Variants in SETD2 observed in about 807,000 individuals in gnomAD.
The protein encoded by SETD2 is histone-lysine N-methyltransferase SETD2.
Under a neutral mutation model 242.1 loss-of-function variants are expected in SETD2, and 31 were observed. The ratio of observed to expected loss-of-function variants is 0.13; its 90% CI spans 0.10 to 0.17. SETD2 has a LOEUF of 0.17. Among genes scored for constraint, SETD2 ranks in the 10% least tolerant of loss-of-function variants. The probability of loss-of-function intolerance (pLI) is 1.00; values close to 1 mark genes in which losing one functional copy is unlikely to be tolerated. For synonymous variants in SETD2, 1,006 were observed against 1,066.5 expected (o/e 0.94, Z 1.11); for missense variants, 2,481 against 3,046.3 (o/e 0.81, Z 4.37).
intron 15 of SETD2, among the ~76,000 whole-genome samples, chr3:47,048,375 C>A (rs145886959): frequency 1.3e-5 from 2 of 151,946 alleles, no homozygotes; most frequent in African/African-American, 4.8e-5. Flanking sequence ...GGCAACAGAG[C>A]GAGATGCCGT....
intron 1 of SETD2, among the ~76,000 whole-genome samples, chr3:47,147,377 C>G (rs779886829): frequency 9.0e-5 from 13 of 144,810 alleles, no homozygotes; most frequent in Non-Finnish European, 1.8e-4. Flanking sequence ...GGATGGAGTG[C>G]AGTGACGTGA....
intron 18 of SETD2, among the ~76,000 whole-genome samples, chr3:47,025,568 G>A (rs1343329758): frequency 6.6e-6 from 1 of 152,064 alleles, no homozygotes; most frequent in African/African-American, 2.4e-5. Context: ...CCATATCTTT[G>A]TCTTGCTAAC....
intron 12 of SETD2, among the ~76,000 whole-genome samples, chr3:47,071,563 A>C (rs1052956064): frequency 6.6e-6 from 1 of 152,190 alleles, no homozygotes; most frequent in African/African-American, 2.4e-5. Flanking sequence ...CAGAGTGATA[A>C]ATATACATTT....
At chr3:47,022,193 T>TCTCACA (rs770101300) in intron 18 of SETD2, among the ~76,000 whole-genome samples, 1 of 130,948 alleles carries the variant, frequency 7.6e-6, no homozygotes, top group East Asian at 2.4e-4. Context: ...CAACAATCTG[T>TCTCACA]CACACACACA....
intron 14 of SETD2, among the ~76,000 whole-genome samples, chr3:47,057,892 C>T (rs769574626): frequency 9.2e-5 from 14 of 152,032 alleles, no homozygotes; most frequent in Non-Finnish European, 1.8e-4. Context: ...TTCCACAGTA[C>T]GGTTAAGCAG....
intron 18 of SETD2, among the ~76,000 whole-genome samples, chr3:47,033,507 C>T (rs1251689994): frequency 1.3e-5 from 2 of 152,122 alleles, no homozygotes; most frequent in African/African-American, 4.8e-5. Context: ...ATGTGTGTAT[C>T]TCCTAAGAAC....
chr3:47,121,511 G>A lies in SETD2; in HGVS notation c.3125C>T (p.Ser1042Phe), dbSNP rs2043086636. ...STVHEDYSGS[S>F]ESSNDESDSE... ...ATCACTTTCATCATTTGAACTTTCA[G>A]AAGAGCCAGAATAATCTTCATGAAC... Residue 1042 changes from serine (S) to phenylalanine (F), a missense_variant, in exon 3 of 21, where the codon TCT becomes TTT. Physicochemically the swap from Ser to Phe is radical, Grantham distance 155. Coordinates refer to ENST00000409792, the MANE Select transcript of SETD2 (RefSeq NM_014159.7). The A allele has an allele frequency of 1.9e-6, 3 of 1,614,088 alleles. No individual in the cohort carries two copies. The highest frequency in any genetic ancestry group is 2.2e-5 in the East Asian group (1 of 44,866).
chr3:47,030,628 G>A (rs539171861), intron 18 of SETD2, among the ~76,000 whole-genome samples: 66 of 152,150 alleles, frequency 4.3e-4, no homozygotes, highest in African/African-American at 1.4e-3. Flanking sequence ...ACCACAAACC[G>A]CTAAAAACTG....
At chr3:47,104,879 G>A (rs1481095358) in intron 6 of SETD2, among the ~76,000 whole-genome samples, 3 of 152,086 alleles carry the variant, frequency 2.0e-5, no homozygotes, top group Non-Finnish European at 1.5e-5. Context: ...TTTAGCCTTC[G>A]GTCTGAGCCC....
intron 12 of SETD2, among the ~76,000 whole-genome samples, chr3:47,069,344 C>T (rs1229672656): frequency 2.0e-5 from 3 of 152,102 alleles, no homozygotes; most frequent in African/African-American, 7.2e-5. Flanking sequence ...ATCCTCCATC[C>T]CCTTAACCTC....
intron 15 of SETD2, among the ~76,000 whole-genome samples, chr3:47,050,616 T>C (rs546039547): frequency 9.2e-5 from 14 of 151,530 alleles, no homozygotes; most frequent in Admixed American, 6.6e-5. Context: ...CCACTAAGTA[T>C]ATATAACGTA....
At position 47,124,535 on chromosome 3, in the gene SETD2, T is replaced by C. The variant is rs2106730088; in HGVS notation, c.101A>G (p.Asn34Ser). 4 of 1,538,918 alleles carry C rather than the reference T, an allele frequency of 2.6e-6. No individual in the cohort carries two copies. The highest frequency in any genetic ancestry group is 3.5e-6 in the Non-Finnish European group (4 of 1,140,086). Reference sequence around the variant, plus strand: ...TTTGATGAAACCTGTTTTCTGCACATTTTCAATCTTTGCCTACAAATGAAC... The same window carrying C: ...TTTGATGAAACCTGTTTTCTGCACACTTTCAATCTTTGCCTACAAATGAAC... The part of the protein sequence containing the change: ...EEEENEAKIE[N>S]VQKTGFIKGP... Residue 34 changes from asparagine to serine, a missense_variant, in exon 3 of 21, where the codon AAT (asparagine) becomes AGT (serine). Coordinates refer to ENST00000409792, the MANE Select transcript of SETD2 (RefSeq NM_014159.7).
chr3:47,075,747 G>A (rs963563892), intron 12 of SETD2, among the ~76,000 whole-genome samples: 1 of 152,104 alleles, frequency 6.6e-6, no homozygotes, highest in African/African-American at 2.4e-5. Flanking sequence ...TAAAAGCTAA[G>A]TTACAACCTC....
At chr3:47,152,663 T>A (rs1258616136) in intron 1 of SETD2, among the ~76,000 whole-genome samples, 3 of 152,262 alleles carry the variant, frequency 2.0e-5, no homozygotes, top group African/African-American at 7.2e-5. Context: ...GAGCTAACCA[T>A]GAAGCAAATA....
rs777053122 is a variant in SETD2 at position 47,062,213 on chromosome 3, G to A, written c.6243C>T (p.Leu2081=). 7 of 1,614,002 alleles carry A rather than the reference G, an allele frequency of 4.3e-6. No individual in the cohort carries two copies. Among genetic ancestry groups the A allele is most frequent in the Non-Finnish European group, 5.1e-6 (6 of 1,180,028 alleles). ...GCTCATAGGCAGAAGAGGGTGGTGA[G>A]AGGGAGCTTCTTCGTTTCCTTTTCT... ...NKEKRKRRSS[L]SPPSSAYERG... is the part of the protein sequence containing the mutation. Residue 2081 remains leucine (L), a synonymous_variant, in exon 14 of 21, where the codon CTC becomes CTT. Coordinates refer to ENST00000409792, the MANE Select transcript of SETD2 (RefSeq NM_014159.7).
intron 12 of SETD2, among the ~76,000 whole-genome samples, chr3:47,071,315 C>T (rs2040808419): frequency 6.6e-6 from 1 of 152,132 alleles, no homozygotes; most frequent in African/African-American, 2.4e-5. Context: ...TTATTATGGG[C>T]CCATACTGTC....
In SETD2 at chr3:47,049,304, A is replaced by AATAT. The variant is rs55952850; in HGVS notation, c.6964-2687_6964-2684dup. On this transcript the variant is annotated intron_variant, in intron 15 of 20. Transcript: ENST00000409792. ...AGTTTTTTATAGAATAAGTTTTCTA[A>AATAT]ATATATATATATATATATATATATA... Among the ~76,000 whole-genome samples, 551 of 107,970 alleles carry AATAT rather than the reference A, an allele frequency of 5.1e-3. 1 individual carries two copies. Among genetic ancestry groups the AATAT allele is most frequent in the South Asian group, 9.3e-3 (29 of 3,104 alleles). 70.8% of individuals were successfully genotyped at this position (107,970 alleles called of 152,430 possible). A position where few individuals can be genotyped will look rare whatever the true frequency, so the allele number is the denominator to read the frequency against.
intron 18 of SETD2, among the ~76,000 whole-genome samples, chr3:47,020,490 AG>A (rs919418378): frequency 5.3e-5 from 8 of 152,188 alleles, no homozygotes; most frequent in African/African-American, 1.7e-4. Flanking sequence ...TGACAAACCC[AG>A]GAACATTCCC....
intron 11 of SETD2, 21 bp from the exon 12 acceptor site, chr3:47,084,403 A>G: frequency 6.5e-7 from 1 of 1,532,760 alleles, no homozygotes; most frequent in East Asian, 2.3e-5. Context: ...ATAAAAAAAA[A>G]TTACATCACT....
Sources: allele counts gnomAD v4.1 joint callset (sites outside exome capture counted in the v4.1 genomes callset), GRCh38; gene constraint gnomAD v4.1.1; transcripts MANE v1.5; gene names NCBI Gene and HGNC (gene_info 2026-07-23, HGNC 2026-07-21).